The following MOB3B variants were observed in gnomAD, a reference collection of about 807,000 sequenced individuals.
MOB3B encodes MOB kinase activator 3B.
In MOB3B, 7 loss-of-function variants were observed where a neutral mutation model predicts 18.7. The ratio of observed to expected loss-of-function variants is 0.37; its 90% CI spans 0.21 to 0.70. The LOEUF is 0.70. Among genes scored for constraint, MOB3B ranks in the 30% least tolerant of loss-of-function variants. The pLI, the probability that MOB3B is intolerant of heterozygous loss-of-function variation, is 0.52. For synonymous variants in MOB3B, 111 were observed against 99.9 expected, an observed-to-expected ratio of 1.11 and a Z score of -0.66; for missense variants, 253 against 281.3, an observed-to-expected ratio of 0.90 and a Z score of 0.72.
In MOB3B at chr9:27,346,028, A is replaced by G. The variant is rs1022028260; in HGVS notation, c.621+13006T>C. On this transcript the variant is annotated intron_variant, in intron 3 of 3. Coordinates refer to ENST00000262244, the MANE Select transcript of MOB3B (RefSeq NM_024761.5). ...GCTGGAACCTAATGCCCAGTGTAAT[A>G]GTATTAAGAGGTGGGGCCTTTTGGG... Among the ~76,000 whole-genome samples, 14 of 152,178 alleles carry G rather than the reference A, an allele frequency of 9.2e-5. No homozygotes were observed. In the South Asian group the frequency reaches 1.7e-3, roughly 18 times the overall value.
chr9:27,517,154 T>C (rs1435227719), intron 1 of MOB3B, among the ~76,000 whole-genome samples: 1 of 152,080 alleles, frequency 6.6e-6, no homozygotes, highest in African/African-American at 2.4e-5. Flanking sequence ...CTCTCCTAAT[T>C]CAAACTCTCA....
chr9:27,475,318 C>T (rs750046974), intron 1 of MOB3B, among the ~76,000 whole-genome samples: 64 of 152,346 alleles, frequency 4.2e-4, no homozygotes, highest in Non-Finnish European at 7.8e-4. Flanking sequence ...GATCCTGAAC[C>T]GGAGAACCCA....
At chr9:27,444,076 A>G (rs879659479) in intron 2 of MOB3B, among the ~76,000 whole-genome samples, 1 of 151,944 alleles carries the variant, frequency 6.6e-6, no homozygotes, top group Admixed American at 6.6e-5. Context: ...GTGACATTCC[A>G]GTAAATGGAA....
intron 2 of MOB3B, among the ~76,000 whole-genome samples, chr9:27,405,954 C>T (rs979246699): frequency 6.6e-6 from 1 of 152,110 alleles, no homozygotes; most frequent in African/African-American, 2.4e-5. Context: ...ATATAACATA[C>T]CCATAGCTAG....
intron 1 of MOB3B, among the ~76,000 whole-genome samples, chr9:27,510,088 A>G (rs142430205): frequency 6.6e-6 from 1 of 152,350 alleles, no homozygotes; most frequent in East Asian, 1.9e-4. Context: ...TTTCTGTTCA[A>G]TGGATTTGAA....
intron 3 of MOB3B, among the ~76,000 whole-genome samples, chr9:27,356,444 G>C (rs1286747528): frequency 6.6e-6 from 1 of 152,170 alleles, no homozygotes; most frequent in African/African-American, 2.4e-5. Context: ...TTAGTTCCTG[G>C]CACTGCCTTG....
At chr9:27,336,166 T>C (rs568825430) in intron 3 of MOB3B, among the ~76,000 whole-genome samples, 62 of 152,260 alleles carry the variant, frequency 4.1e-4, no homozygotes, top group African/African-American at 1.4e-3. Flanking sequence ...GCCCAGAAAT[T>C]TGAACTAACT....
intron 2 of MOB3B, among the ~76,000 whole-genome samples, chr9:27,406,951 G>A (rs1361060684): frequency 2.0e-5 from 3 of 151,828 alleles, no homozygotes; most frequent in Non-Finnish European, 4.4e-5. Context: ...CAATTCTCCT[G>A]CCTCAGCCTC....
At chr9:27,504,599 C>T (rs1033932003) in intron 1 of MOB3B, among the ~76,000 whole-genome samples, 11 of 152,152 alleles carry the variant, frequency 7.2e-5, no homozygotes, top group African/African-American at 2.4e-4. Context: ...GCAGGGCACA[C>T]TAGCCAGAGG....
intron 3 of MOB3B, among the ~76,000 whole-genome samples, chr9:27,340,671 G>A (rs1563844283): frequency 6.6e-6 from 1 of 151,908 alleles, no homozygotes; most frequent in Non-Finnish European, 1.5e-5. Context: ...TATCAACCTG[G>A]CTGATGCACT....
chr9:27,436,451 T>C (rs1480822395), intron 2 of MOB3B, among the ~76,000 whole-genome samples: 1 of 152,204 alleles, frequency 6.6e-6, no homozygotes, highest in Non-Finnish European at 1.5e-5. Flanking sequence ...GCACGTTTTG[T>C]TTCCCACTGT....
Position 27,455,846 on chromosome 9 carries a change from C to A in MOB3B, c.-198-98G>T, listed in dbSNP as rs1034772423. The A allele has an allele frequency of 9.5e-5, 117 of 1,234,256 alleles. No individual in the cohort carries two copies. In the Middle Eastern group the frequency reaches 9.5e-4, roughly 10 times the overall value. 76.5% of individuals were successfully genotyped at this position (1,234,256 alleles called of 1,614,324 possible). A position where few individuals can be genotyped will look rare whatever the true frequency, so the allele number is the denominator to read the frequency against. On this transcript the variant is annotated intron_variant, in intron 1 of 3. Transcript: ENST00000262244. ...TTTCCACCTTGTGTTCTTGGCTGTG[C>A]CCACTCTCCATCCAGGTATATGGGC...
At chr9:27,484,155 T>A (rs1341286961) in intron 1 of MOB3B, among the ~76,000 whole-genome samples, 1 of 152,228 alleles carries the variant, frequency 6.6e-6, no homozygotes, top group African/African-American at 2.4e-5. Flanking sequence ...GCAGGTCCTA[T>A]CACAGTTGTC....
intron 1 of MOB3B, among the ~76,000 whole-genome samples, chr9:27,520,365 T>C (rs1278076981): frequency 6.6e-6 from 1 of 152,184 alleles, no homozygotes; most frequent in Non-Finnish European, 1.5e-5. Context: ...GCCAGGGAAA[T>C]AAGAACAGAT....
At chr9:27,442,800 C>T (rs1423022461) in intron 2 of MOB3B, among the ~76,000 whole-genome samples, 2 of 152,176 alleles carry the variant, frequency 1.3e-5, no homozygotes, top group Non-Finnish European at 2.9e-5. Flanking sequence ...CACGTTAGCT[C>T]CTTTCATTGC....
rs890550062 is a variant in MOB3B, at chr9:27,328,527, C to T, written c.*2060G>A. ...TTAAATTGAGTGGAAATTTCATATG[C>T]ACAGTTAATAAAAAATAACCTTAAA... On this transcript the variant is annotated 3_prime_UTR_variant, in exon 4 of 4. Transcript: ENST00000262244. 4.6e-5 allele frequency: 7 copies of T among 152,146 alleles called. No individual in the cohort carries two copies. The highest frequency in any genetic ancestry group is 2.6e-4 in the Admixed American group (4 of 15,282). The allele number at this position is 152,146 out of a possible 1,614,324, so 9.4% of individuals were successfully genotyped here.
intron 3 of MOB3B, among the ~76,000 whole-genome samples, chr9:27,342,330 T>C (rs141018905): frequency 1.5e-3 from 223 of 152,360 alleles, no homozygotes; most frequent in African/African-American, 4.8e-3. Flanking sequence ...TCCAGTCTTC[T>C]GTCTTGGGAG....
chr9:27,328,004 T>C lies in MOB3B; in HGVS notation c.*2583A>G, dbSNP rs1337789420. 1 of 150,950 alleles carries C rather than the reference T, an allele frequency of 6.6e-6. No individual in the cohort carries two copies. Among genetic ancestry groups the C allele is most frequent in the African/African-American group, 2.4e-5 (1 of 40,970 alleles). 9.4% of individuals were successfully genotyped at this position (150,950 alleles called of 1,614,324 possible). On this transcript the variant is annotated 3_prime_UTR_variant, in exon 4 of 4. Transcript: ENST00000262244. ...CTACTCAGGAGGCTAAGGTTGAAGC[T>C]CACTTGAGGCAAGGGGTTCAAGGCC...
intron 1 of MOB3B, among the ~76,000 whole-genome samples, chr9:27,509,254 C>T (rs1820101687): frequency 6.6e-6 from 1 of 151,492 alleles, no homozygotes; most frequent in South Asian, 2.1e-4. Context: ...GCCTTAGTAT[C>T]AACACATATT....
Sources: allele counts gnomAD v4.1 joint callset (sites outside exome capture counted in the v4.1 genomes callset), GRCh38; gene constraint gnomAD v4.1.1; transcripts MANE v1.5; gene names NCBI Gene and HGNC (gene_info 2026-07-23, HGNC 2026-07-21).